MYH8: variants seen among roughly 807,000 people sequenced by gnomAD.
The protein encoded by MYH8 is myosin heavy chain 8.
A neutral mutation model predicts 233.2 loss-of-function variants in MYH8; 168 were observed. The ratio of observed to expected loss-of-function variants is 0.72; its 90% confidence interval spans 0.64 to 0.82. The LOEUF (loss-of-function observed/expected upper bound fraction) is 0.82, where lower values mean the gene tolerates loss of function less well. Among genes scored for constraint, MYH8 ranks in the 40% least tolerant of loss-of-function variants. The pLI is 0.00. For synonymous variants in MYH8, 785 were observed against 850.6 expected, an observed-to-expected ratio of 0.92 and a Z score of 1.34; for missense variants, 1,995 against 2,327.8, an observed-to-expected ratio of 0.86 and a Z score of 2.94.
rs759774988 is a variant in MYH8, at chr17:10,410,990, T to C, written c.1417-43A>G. On this transcript the variant is annotated intron_variant, in intron 14 of 39. Coordinates refer to ENST00000403437, the MANE Select transcript of MYH8 (RefSeq NM_002472.3). ...GATTTCCAACATCAAATGAGTTTTA[T>C]AGTAGTAAAATTCATTACTGAAAAA... is the stretch of plus-strand genomic sequence containing the variant. The C allele has an allele frequency of 3.3e-5, 54 of 1,613,678 alleles. 1 individual carries two copies. Among genetic ancestry groups the C allele is most frequent in the South Asian group, 2.2e-4 (20 of 91,068 alleles).
Position 10,418,638 on chromosome 17 carries a change from C to A in MYH8, c.511+7G>T. 1 of 1,613,886 alleles carries A rather than the reference C, an allele frequency of 6.2e-7. No homozygotes were observed. Among genetic ancestry groups the A allele is most frequent in the South Asian group, 1.1e-5 (1 of 91,076 alleles). ...CATTTCTGTAAATAGATGCCTCACT[C>A]ACTCACCAGTCAACATGAACTGATA... On this transcript the variant is annotated splice_region_variant and intron_variant, in intron 5 of 39. Coordinates refer to ENST00000403437, the MANE Select transcript of MYH8 (RefSeq NM_002472.3).
intron 21 of MYH8, 141 bp from the exon 22 acceptor site, chr17:10,404,726 TACACACACACAC>T (rs60545187): frequency 2.8e-5 from 22 of 777,512 alleles, no homozygotes; most frequent in Non-Finnish European, 4.3e-5. Flanking sequence ...ATGCAGGCTT[TACACACACACAC>T]ACACACACAC....
At position 10,409,445 on chromosome 17, in the gene MYH8, C is replaced by G. The variant is rs75160168; in HGVS notation, c.1731G>C (p.Glu577Asp). 3.8e-4 allele frequency: 607 copies of G among 1,614,184 alleles called. 4 individuals are homozygous for G. In the East Asian group the frequency reaches 8.2e-3, roughly 22 times the overall value. Residue 577 changes from glutamate (E) to aspartate (D), a missense_variant, in exon 16 of 40, where the codon GAG becomes GAC. Glu to Asp is a conservative substitution (Grantham distance 45). Transcript: ENST00000403437. Reference protein sequence around the residue: ...QKPKVVKGKAEAHFSLIHYAG... With the variant: ...QKPKVVKGKADAHFSLIHYAG... ...CATAGTGAATCAGAGAGAAGTGGGC[C>G]TCAGCCTTGCCTTTGACCACCTTGG...
rs574077455 is a variant in MYH8, at chr17:10,419,938, T to C, written c.210+80A>G. On this transcript the variant is annotated intron_variant, in intron 3 of 39. Transcript: ENST00000403437. The surrounding 1 kb of genome is among the most constrained non-coding windows in gnomAD (Gnocchi z 4.0). ...AGGGTGTTTGCATTGGCAACAGGCT[T>C]GGAGATTCCCAGTAAGTTAGGCTTC... 1 of 1,470,300 alleles carries C rather than the reference T, an allele frequency of 6.8e-7. No homozygotes were observed. Among genetic ancestry groups the C allele is most frequent in the South Asian group, 1.1e-5 (1 of 87,690 alleles). 91.1% of individuals were successfully genotyped at this position (1,470,300 alleles called of 1,614,324 possible).
chr17:10,391,788 C>T, intron 39 of MYH8, 94 bp downstream of exon 39: 1 of 964,686 alleles, frequency 1.0e-6, no homozygotes, highest in South Asian at 1.3e-5. Context: ...GGTAGATTTT[C>T]ACTTTGTCTT....
intron 17 of MYH8, among the ~76,000 whole-genome samples, chr17:10,408,823 A>G (rs1448358646): frequency 6.6e-6 from 1 of 152,234 alleles, no homozygotes. Flanking sequence ...TTTGAAGTTT[A>G]GCTATACTTC....
chr17:10,400,571 G>C lies in MYH8; in HGVS notation c.3554C>G (p.Thr1185Ser), dbSNP rs138064925. The C allele has an allele frequency of 1.3e-4, 207 of 1,614,220 alleles. No homozygotes were observed. The African/African-American group carries it at 2.4e-3, about 19-fold the overall frequency. The change falls in exon 27 of 40, where the codon ACC (threonine) becomes AGC (serine). Residue 1185 changes from threonine to serine, a missense_variant. Physicochemically the swap from Thr to Ser is moderately conservative, Grantham distance 58. Around this residue, in one of 3 missense-constraint regions of MYH8, gnomAD observed 1,498 missense variants for 1,680.9 expected, o/e 0.89. Transcript: ENST00000403437. This position sits in a 1 kb window ranked among gnomAD's most constrained non-coding sequence, Gnocchi z 4.0. ...AGCCACCATAGCTTCATGCTGCAGGGTGGCCTCCTCCAGGTCCCTGCGCAG... is the reference window on the plus strand; with the variant it reads ...AGCCACCATAGCTTCATGCTGCAGGCTGGCCTCCTCCAGGTCCCTGCGCAG... ...QKLRRDLEEATLQHEAMVAAL... is the reference protein window; with the variant it reads ...QKLRRDLEEASLQHEAMVAAL...
chr17:10,413,995 T>G lies in MYH8; in HGVS notation c.1054A>C (p.Ile352Leu), dbSNP rs759976728. ...LGFTPEEKVS[I>L]YKLTGAVMHY... is the part of the protein sequence containing the mutation. The stretch of plus-strand genomic sequence containing the variant: ...ATCACAGCCCCTGTGAGTTTATAGA[T>G]GGACACTTTCTCTTCAGGAGTGAAG... Residue 352 changes from isoleucine (I) to leucine (L), a missense_variant, in exon 12 of 40, where the codon ATC (isoleucine) becomes CTC (leucine). Physicochemically the swap from Ile to Leu is conservative, Grantham distance 5. Around this residue, in one of 3 missense-constraint regions of MYH8, gnomAD observed 479 missense variants for 600.9 expected, o/e 0.80. Coordinates refer to ENST00000403437, the MANE Select transcript of MYH8 (RefSeq NM_002472.3). 14 of 1,614,034 alleles carry G rather than the reference T, an allele frequency of 8.7e-6. No individual in the cohort carries two copies. The East Asian group carries it at 2.7e-4, about 31-fold the overall frequency.
intron 17 of MYH8, 100 bp downstream of exon 17, chr17:10,408,997 T>C: frequency 9.2e-7 from 1 of 1,085,704 alleles, no homozygotes; most frequent in Non-Finnish European, 1.4e-6. Context: ...TTTGAAGTGA[T>C]TCCTATTAAC....
At position 10,396,852 on chromosome 17, in the gene MYH8, G is replaced by C. The variant is rs781044002; in HGVS notation, c.4313C>G (p.Ser1438Cys). The change falls in exon 31 of 40, where the codon TCT becomes TGT. Residue 1438 changes from serine (S) to cysteine (C), a missense_variant. By Grantham distance (112) the Ser-to-Cys change is moderately radical (BLOSUM62 -1). Around this residue, in one of 3 missense-constraint regions of MYH8, gnomAD observed 1,498 missense variants for 1,680.9 expected, o/e 0.89. Transcript: ENST00000403437. The surrounding 1 kb of genome is among the most constrained non-coding windows in gnomAD (Gnocchi z 4.2). ...ATCAAGGGCTGCACAGGCTGCATTAGACCTTTCCACATCAAGCATGAGGTC... is the reference window on the plus strand; with the variant it reads ...ATCAAGGGCTGCACAGGCTGCATTACACCTTTCCACATCAAGCATGAGGTC... ...VEDLMLDVER[S>C]NAACAALDKK... is the part of the protein sequence containing the mutation. 20 of 1,614,100 alleles carry C rather than the reference G, an allele frequency of 1.2e-5. No individual in the cohort carries two copies. The highest frequency in any genetic ancestry group is 2.2e-5 in the East Asian group (1 of 44,888).
chr17:10,391,507 C>G (rs748887754), intron 39 of MYH8, among the ~76,000 whole-genome samples: 1 of 152,014 alleles, frequency 6.6e-6, no homozygotes, highest in Non-Finnish European at 1.5e-5. Flanking sequence ...CGGTGAAGCC[C>G]TGTCTGTACT....
In MYH8 at chr17:10,412,451, G is replaced by A. The variant is rs2072251363; in HGVS notation, c.1335C>T (p.Arg445=). 2 of 1,614,274 alleles carry A rather than the reference G, an allele frequency of 1.2e-6. No homozygotes were observed. The highest frequency in any genetic ancestry group is 1.6e-4 in the Middle Eastern group (1 of 6,062). Residue 445 remains arginine (R), a synonymous_variant, in exon 14 of 40, where the codon CGC becomes CGT. Transcript: ENST00000403437. ...YEKMFLWMVT[R]INQQLDTKQP... ...GCTTGGTGTCCAGCTGCTGGTTGAT[G>A]CGGGTGACCATCCACAGGAACATCT...
intron 34 of MYH8, 30 bp from the exon 35 acceptor site, chr17:10,394,482 G>C (rs1223488088): frequency 6.2e-7 from 1 of 1,611,206 alleles, no homozygotes; most frequent in South Asian, 1.1e-5. Context: ...AAGGCCTTAA[G>C]TGTTCTGAAG....
chr17:10,393,543 C>T lies in MYH8; in HGVS notation c.5167-333G>A, dbSNP rs913984737. ...GGTTGGAAATAGAAAAGAATAGATTCGTTTTGTGAGTGGCAGGCACTGAGA... is the reference window on the plus strand; with the variant it reads ...GGTTGGAAATAGAAAAGAATAGATTTGTTTTGTGAGTGGCAGGCACTGAGA... On this transcript the variant is annotated intron_variant, in intron 35 of 39. Coordinates refer to ENST00000403437, the MANE Select transcript of MYH8 (RefSeq NM_002472.3). 7.2e-5 allele frequency among the ~76,000 whole-genome samples: 11 copies of T among 152,214 alleles called. No individual in the cohort carries two copies. The East Asian group carries it at 7.7e-4, about 11-fold the overall frequency.
intron 39 of MYH8, 89 bp downstream of exon 39, chr17:10,391,793 T>G (rs2072026474): frequency 1.0e-6 from 1 of 995,396 alleles, no homozygotes; most frequent in African/African-American, 1.6e-5. Context: ...ATTTTCACTT[T>G]GTCTTCTTCC....
chr17:10,401,133 C>G lies in MYH8; in HGVS notation c.3167G>C (p.Arg1056Pro), dbSNP rs140112749. 6.2e-6 allele frequency: 10 copies of G among 1,614,102 alleles called. No homozygotes were observed. Among genetic ancestry groups the G allele is most frequent in the Non-Finnish European group, 8.5e-6 (10 of 1,179,988 alleles). ...KLRMDLERAK[R>P]KLEGDLKLAQ... ...CAATTTGAGGTCACCCTCCAGTTTC[C>G]GCTTTGCTCTTTCTAGATCCATTCG... The change falls in exon 25 of 40, where the codon CGG becomes CCG. Residue 1056 changes from arginine to proline, a missense_variant. Physicochemically the swap from Arg to Pro is moderately radical, Grantham distance 103 (BLOSUM62 -2). Transcript: ENST00000403437.
intron 21 of MYH8, among the ~76,000 whole-genome samples, chr17:10,405,180 T>A (rs2072181874): frequency 1.3e-5 from 2 of 152,228 alleles, no homozygotes; most frequent in Admixed American, 6.5e-5. Context: ...TATCTCAAAT[T>A]CTTTCAAGTG....
In MYH8 at chr17:10,396,012, G is replaced by A. The variant is rs974333355; in HGVS notation, c.4653+318C>T. Among the ~76,000 whole-genome samples, 6 of 151,822 alleles carry A rather than the reference G, an allele frequency of 4.0e-5. No homozygotes were observed. Among genetic ancestry groups the A allele is most frequent in the African/African-American group, 9.7e-5 (4 of 41,284 alleles). On this transcript the variant is annotated intron_variant, in intron 33 of 39. Transcript: ENST00000403437. This position sits in a 1 kb window ranked among gnomAD's most constrained non-coding sequence, Gnocchi z 4.2. ...TGTGTCTTTAAAATTACTGTCTACC[G>A]TAAAATATTTTTCCAAAATAATCAT... is the stretch of plus-strand genomic sequence containing the variant.
At chr17:10,412,227 T>A in intron 14 of MYH8, 143 bp downstream of exon 14, 1 of 1,506,730 alleles carries the variant, frequency 6.6e-7, no homozygotes, top group South Asian at 1.2e-5. Context: ...TTATGTTACC[T>A]CCTATTTTGG....
Sources: gnomAD v4.1 joint callset for allele counts (sites outside exome capture counted in the v4.1 genomes callset) on GRCh38, gnomAD v4.1.1 for gene constraint, gnomAD v4.1.1 regional missense constraint, Gnocchi (gnomAD v3.1) non-coding constraint, MANE v1.5 for transcripts, NCBI Gene and HGNC (gene_info 2026-07-23, HGNC 2026-07-21) for gene names.